TOPBP1: variants seen among roughly 807,000 people sequenced by gnomAD.
The protein encoded by TOPBP1 is DNA topoisomerase II binding protein 1.
TOPBP1 carries 28 observed loss-of-function variants against 167.7 expected under a neutral mutation model. That is an observed-to-expected ratio of 0.17 (90% CI 0.12 to 0.23). TOPBP1 has a LOEUF of 0.23. Among genes scored for constraint, TOPBP1 ranks in the 10% least tolerant of loss-of-function variants. TOPBP1 has a pLI of 1.00. For synonymous variants in TOPBP1, 598 were observed against 611.4 expected (o/e 0.98, Z 0.32); for missense variants, 1,554 against 1,809.6 (o/e 0.86, Z 2.56).
At chr3:133,622,315 C>T (rs557448598) in intron 19 of TOPBP1, among the ~76,000 whole-genome samples, 25 of 151,646 alleles carry the variant, frequency 1.6e-4, no homozygotes, top group Non-Finnish European at 2.1e-4. Context: ...CTCAGCCTCC[C>T]GAGTAGCTGG....
At chr3:133,606,224 T>C (rs1297873510) in intron 27 of TOPBP1, among the ~76,000 whole-genome samples, 1 of 152,172 alleles carries the variant, frequency 6.6e-6, no homozygotes, top group African/African-American at 2.4e-5. Context: ...ATTTATATTC[T>C]TTTGGATTGG....
At chr3:133,651,954 T>C (rs1371119331) in intron 8 of TOPBP1, among the ~76,000 whole-genome samples, 1 of 152,146 alleles carries the variant, frequency 6.6e-6, no homozygotes, top group Non-Finnish European at 1.5e-5. Context: ...GGCAACATAG[T>C]GAGACCTTGT....
chr3:133,658,665 C>T (rs536900076), intron 3 of TOPBP1, among the ~76,000 whole-genome samples: 1 of 151,682 alleles, frequency 6.6e-6, no homozygotes, highest in African/African-American at 2.4e-5. Context: ...AAAAATCAGC[C>T]GGGTGTGTAT....
In TOPBP1 at chr3:133,601,324, G is replaced by C. The variant is rs999941272; in HGVS notation, c.4495C>G (p.Leu1499Val). ...AISFIQNNKE[L>V]GTGLSQKRKA... is the part of the protein sequence containing the mutation. ...CTCTTTTGTGATAATCCAGTCCCAA[G>C]TTCCTTATTATTCTGAATAAATGAA... Residue 1499 changes from leucine to valine, a missense_variant, in exon 28 of 28, where the codon CTT becomes GTT. Leu to Val is a conservative substitution (Grantham distance 32). Transcript: ENST00000260810. 1.2e-6 allele frequency: 2 copies of C among 1,600,506 alleles called. No individual in the cohort carries two copies. The highest frequency in any genetic ancestry group is 1.7e-4 in the Middle Eastern group (1 of 6,032).
intron 23 of TOPBP1, among the ~76,000 whole-genome samples, chr3:133,612,980 C>T (rs1248111490): frequency 6.6e-6 from 1 of 152,124 alleles, no homozygotes; most frequent in East Asian, 1.9e-4. Flanking sequence ...CTCCCTCAGC[C>T]TCGCAAGTAG....
intron 4 of TOPBP1, among the ~76,000 whole-genome samples, chr3:133,657,437 AGTGGCGT>A (rs1431105121): frequency 6.7e-5 from 10 of 148,928 alleles, no homozygotes; most frequent in Non-Finnish European, 1.5e-4. Context: ...GCTGCAGTGC[AGTGGCGT>A]GATGTTGGCT....
intron 10 of TOPBP1, among the ~76,000 whole-genome samples, chr3:133,648,843 G>A (rs575659922): frequency 6.6e-5 from 10 of 152,060 alleles, no homozygotes; most frequent in Admixed American, 2.6e-4. Context: ...ATTCGAGGTA[G>A]ATTAAAATTC....
At chr3:133,624,265 T>C (rs569243622) in intron 16 of TOPBP1, 90 bp from the exon 17 acceptor site, 35 of 1,455,244 alleles carry the variant, frequency 2.4e-5, no homozygotes, top group Non-Finnish European at 3.0e-5. Flanking sequence ...CAGAATATTC[T>C]GACCTTCCCA....
chr3:133,618,889 G>A (rs1055161587), intron 20 of TOPBP1, among the ~76,000 whole-genome samples: 7 of 152,078 alleles, frequency 4.6e-5, no homozygotes, highest in African/African-American at 1.7e-4. Flanking sequence ...GAGGCTTGCT[G>A]TAAAGGCTGC....
intron 20 of TOPBP1, among the ~76,000 whole-genome samples, chr3:133,619,535 T>C (rs1935015353): frequency 6.6e-6 from 1 of 152,178 alleles, no homozygotes; most frequent in Admixed American, 6.5e-5. Context: ...AATCACCTTT[T>C]CTAGAAGATA....
At chr3:133,612,037 A>C (rs1351630627) in intron 24 of TOPBP1, among the ~76,000 whole-genome samples, 3 of 149,726 alleles carry the variant, frequency 2.0e-5, no homozygotes, top group African/African-American at 7.3e-5. Context: ...CTGCCAGCCA[A>C]CACTTACTTT....
At chr3:133,605,739 A>G (rs548874989) in intron 27 of TOPBP1, among the ~76,000 whole-genome samples, 1 of 152,332 alleles carries the variant, frequency 6.6e-6, no homozygotes, top group African/African-American at 2.4e-5. Flanking sequence ...CACCACTTCT[A>G]TTCAGCAGCA....
chr3:133,606,864 A>C (rs1285593995), intron 27 of TOPBP1, among the ~76,000 whole-genome samples: 2 of 152,166 alleles, frequency 1.3e-5, no homozygotes, highest in East Asian at 3.8e-4. Context: ...AATTTGTAAT[A>C]GGTCATAGAG....
At chr3:133,653,979 A>T (rs1358075969) in intron 6 of TOPBP1, among the ~76,000 whole-genome samples, 1 of 152,182 alleles carries the variant, frequency 6.6e-6, no homozygotes, top group Non-Finnish European at 1.5e-5. Context: ...AGTTACCAGT[A>T]CTTACTCTTA....
chr3:133,631,061 T>C (rs1264912710), intron 14 of TOPBP1, among the ~76,000 whole-genome samples: 1 of 152,176 alleles, frequency 6.6e-6, no homozygotes, highest in South Asian at 2.1e-4. Context: ...CAGTGTCATG[T>C]ACCTCTAGTC....
chr3:133,637,158 G>C (rs1156795689), intron 14 of TOPBP1, among the ~76,000 whole-genome samples: 1 of 151,962 alleles, frequency 6.6e-6, no homozygotes, highest in South Asian at 2.1e-4. Context: ...ATATCAACAC[G>C]TGAATGAGTA....
In TOPBP1 at chr3:133,628,820, AG is replaced by A; in HGVS notation, c.2521-88del. ...GGTTAATAGGACAGGAAAAAGAAAG[AG>A]GAGGAGAGAGGGGTAAAGAGAGAGA... On this transcript the variant is annotated intron_variant, in intron 14 of 27. Transcript: ENST00000260810. 5.3e-6 allele frequency: 7 copies of A among 1,325,588 alleles called. No homozygotes were observed. In the South Asian group the frequency reaches 1.0e-4, roughly 19 times the overall value. 82.1% of individuals were successfully genotyped at this position (1,325,588 alleles called of 1,614,324 possible). A position where few individuals can be genotyped will look rare whatever the true frequency, so the allele number is the denominator to read the frequency against.
intron 27 of TOPBP1, among the ~76,000 whole-genome samples, chr3:133,604,028 GA>G (rs534258893): frequency 9.3e-5 from 14 of 149,886 alleles, no homozygotes; most frequent in Admixed American, 2.0e-4. Flanking sequence ...TAAAAAGATA[GA>G]AAAAAAAATC....
chr3:133,650,934 C>A (rs1484544368), intron 8 of TOPBP1, among the ~76,000 whole-genome samples: 1 of 151,756 alleles, frequency 6.6e-6, no homozygotes, highest in Admixed American at 6.6e-5. Context: ...TATGGTGAAA[C>A]CCTCACCTCT....
Sources: allele counts gnomAD v4.1 joint callset (sites outside exome capture counted in the v4.1 genomes callset), GRCh38; gene constraint gnomAD v4.1.1; transcripts MANE v1.5; gene names NCBI Gene and HGNC (gene_info 2026-07-23, HGNC 2026-07-21).